SMIM41: variants seen among roughly 807,000 people sequenced by gnomAD.
SMIM41 encodes the protein small integral membrane protein 41.
Position 52,081,509 on chromosome 12 carries a change from C to G in SMIM41, c.*120+1328C>G, listed in dbSNP as rs1939819027. Among the ~76,000 whole-genome samples, 1 of 152,118 alleles carries G rather than the reference C, an allele frequency of 6.6e-6. No individual in the cohort carries two copies. Among genetic ancestry groups the G allele is most frequent in the Non-Finnish European group, 1.5e-5 (1 of 67,988 alleles). On this transcript the variant is annotated intron_variant, in intron 1 of 2. Coordinates refer to ENST00000546390, the MANE Select transcript of SMIM41 (RefSeq NM_001369216.1). The surrounding 1 kb of genome is among the most constrained non-coding windows in gnomAD (Gnocchi z 4.1). ...AGCCAGGGACTTCTCACCTCAGGGC[C>G]CCCTCAGCTCCCCCCACTCCACCCC...
At chr12:52,089,933 G>A (rs576734810) in intron 2 of SMIM41, among the ~76,000 whole-genome samples, 2 of 152,164 alleles carry the variant, frequency 1.3e-5, no homozygotes, top group Admixed American at 6.5e-5. Context: ...ACTTTAGCAC[G>A]TCTTTTTTGG....
chr12:52,105,506 A>T (rs1429040282), intron 2 of SMIM41, among the ~76,000 whole-genome samples: 1 of 152,210 alleles, frequency 6.6e-6, no homozygotes, highest in Non-Finnish European at 1.5e-5. Flanking sequence ...TAATCCCAGC[A>T]CTTTGGGAGG....
chr12:52,107,991 T>C lies in SMIM41; in HGVS notation c.*808T>C, dbSNP rs1215124398. Reference sequence around the variant, plus strand: ...CATCTCGGGGACCCTTTTCTCTTACTATAAAATTGTTTCCTCCATTCTGAG... The same window carrying C: ...CATCTCGGGGACCCTTTTCTCTTACCATAAAATTGTTTCCTCCATTCTGAG... On this transcript the variant is annotated 3_prime_UTR_variant, in exon 3 of 3. Transcript: ENST00000546390. 3.9e-6 allele frequency: 1 copy of C among 257,652 alleles called. No homozygotes were observed. Among genetic ancestry groups the C allele is most frequent in the African/African-American group, 2.3e-5 (1 of 43,570 alleles). The allele number at this position is 257,652 out of a possible 1,614,324, so 16.0% of individuals were successfully genotyped here.
In SMIM41 at chr12:52,107,457, C is replaced by A; in HGVS notation, c.*274C>A. ...TGTGCCTGGTCATGGTGCTGGGGAA[C>A]CTGCTCATCATCCGGCCATGAGCCC... On this transcript the variant is annotated 3_prime_UTR_variant, in exon 3 of 3. Transcript: ENST00000546390. 4.9e-6 allele frequency: 3 copies of A among 610,200 alleles called. No individual in the cohort carries two copies. The highest frequency in any genetic ancestry group is 4.1e-5 in the South Asian group (3 of 73,198). 37.8% of individuals were successfully genotyped at this position (610,200 alleles called of 1,614,324 possible). A position where few individuals can be genotyped will look rare whatever the true frequency, so the allele number is the denominator to read the frequency against.
chr12:52,095,281 C>A (rs574324504), intron 2 of SMIM41, among the ~76,000 whole-genome samples: 1 of 151,820 alleles, frequency 6.6e-6, no homozygotes, highest in Non-Finnish European at 1.5e-5. Flanking sequence ...CATCTCCCCC[C>A]TCTCCCCCAC....
chr12:52,102,722 C>T (rs960987451), intron 2 of SMIM41, among the ~76,000 whole-genome samples: 42 of 151,964 alleles, frequency 2.8e-4, no homozygotes, highest in African/African-American at 8.2e-4. Context: ...ATTGGTGAAA[C>T]GAGAGGGAAG....
At chr12:52,103,858 G>A (rs1204215210) in intron 2 of SMIM41, among the ~76,000 whole-genome samples, 1 of 152,204 alleles carries the variant, frequency 6.6e-6, no homozygotes, top group Non-Finnish European at 1.5e-5. Flanking sequence ...GGCCCCCAGG[G>A]GTGGGCGAGA....
intron 2 of SMIM41, chr12:52,104,377 A>G (rs1273573802): frequency 6.3e-6 from 1 of 157,908 alleles, no homozygotes; most frequent in South Asian, 2.0e-4. Flanking sequence ...TGTGGGCTCC[A>G]CACCCATCAC....
chr12:52,091,738 C>T (rs1397026839), intron 2 of SMIM41, among the ~76,000 whole-genome samples: 1 of 152,204 alleles, frequency 6.6e-6, no homozygotes, highest in African/African-American at 2.4e-5. Flanking sequence ...AGCTCCTTAA[C>T]TTTCTCAAAC....
intron 2 of SMIM41, among the ~76,000 whole-genome samples, chr12:52,100,659 G>A (rs1425095487): frequency 2.3e-5 from 3 of 132,534 alleles, no homozygotes; most frequent in South Asian, 2.4e-4. Flanking sequence ...TTTTAGTAGA[G>A]ACAGTGTTTC....
chr12:52,082,485 T>C (rs1939832677), intron 1 of SMIM41, among the ~76,000 whole-genome samples: 2 of 152,110 alleles, frequency 1.3e-5, no homozygotes, highest in Admixed American at 1.3e-4. Flanking sequence ...CTGAGATGTT[T>C]GCTGTGGAAT....
At chr12:52,091,619 G>C (rs2120673635) in intron 2 of SMIM41, among the ~76,000 whole-genome samples, 1 of 152,298 alleles carries the variant, frequency 6.6e-6, no homozygotes, top group South Asian at 2.1e-4. Flanking sequence ...TGCACATGGA[G>C]GACCATGGAG....
chr12:52,104,718 T>TC (rs951644822), intron 2 of SMIM41, among the ~76,000 whole-genome samples: 1 of 151,824 alleles, frequency 6.6e-6, no homozygotes, highest in African/African-American at 2.4e-5. Flanking sequence ...TTTGCTTTCC[T>TC]CCCCCACTGG....
chr12:52,102,997 C>G (rs117697783), intron 2 of SMIM41, among the ~76,000 whole-genome samples: 2,567 of 152,328 alleles, frequency 0.017, 32 homozygotes, highest in Non-Finnish European at 0.027. Flanking sequence ...CGCTGCAGTG[C>G]ATTCATACAA....
At chr12:52,105,244 C>T (rs1250815257) in intron 2 of SMIM41, among the ~76,000 whole-genome samples, 1 of 152,222 alleles carries the variant, frequency 6.6e-6, no homozygotes, top group Non-Finnish European at 1.5e-5. Flanking sequence ...GAAAGGGCAG[C>T]TGAGATCACA....
chr12:52,089,584 C>T (rs1939956991), intron 2 of SMIM41, among the ~76,000 whole-genome samples: 1 of 146,000 alleles, frequency 6.8e-6, no homozygotes, highest in South Asian at 2.3e-4. Flanking sequence ...CAGAGCAAGA[C>T]CCCCGCCTTC....
At chr12:52,085,433 G>C in intron 2 of SMIM41, among the ~76,000 whole-genome samples, 1 of 151,950 alleles carries the variant, frequency 6.6e-6, no homozygotes, top group Non-Finnish European at 1.5e-5. Context: ...GGCCTAGCTC[G>C]TGCCATGTTT....
At chr12:52,093,008 C>T (rs1200126038) in intron 2 of SMIM41, among the ~76,000 whole-genome samples, 5 of 151,946 alleles carry the variant, frequency 3.3e-5, no homozygotes, top group East Asian at 3.9e-4. Flanking sequence ...GGTGAAACCC[C>T]GTCTCTACTA....
At chr12:52,082,902 C>G (rs1412455911) in intron 1 of SMIM41, among the ~76,000 whole-genome samples, 1 of 152,194 alleles carries the variant, frequency 6.6e-6, no homozygotes, top group Non-Finnish European at 1.5e-5. Context: ...GCCTGCTCTC[C>G]TGCTGCCACT....
Sources: gnomAD v4.1 joint callset for allele counts (sites outside exome capture counted in the v4.1 genomes callset) on GRCh38, gnomAD v4.1.1 for gene constraint, Gnocchi (gnomAD v3.1) non-coding constraint, MANE v1.5 for transcripts, NCBI Gene and HGNC (gene_info 2026-07-23, HGNC 2026-07-21) for gene names.